MAP3K7CL: variants seen among roughly 807,000 people sequenced by gnomAD.
The protein encoded by MAP3K7CL is MAP3K7 C-terminal like.
MAP3K7CL carries 16 observed loss-of-function variants against 18.6 expected under a neutral mutation model. The ratio of observed to expected loss-of-function variants is 0.86; its 90% CI spans 0.58 to 1.31. The LOEUF is 1.31. MAP3K7CL is among the 50% of genes most tolerant of loss of function. The pLI is 0.00. For synonymous variants in MAP3K7CL, 65 were observed against 66.8 expected, an observed-to-expected ratio of 0.97 and a Z score of 0.13; for missense variants, 163 against 174.4, an observed-to-expected ratio of 0.93 and a Z score of 0.37.
chr21:29,102,262 T>C (rs1229909919), intron 4 of MAP3K7CL, among the ~76,000 whole-genome samples: 2 of 152,164 alleles, frequency 1.3e-5, no homozygotes, highest in African/African-American at 4.8e-5. Context: ...GCACAAAAGG[T>C]ACAACAATCC....
At chr21:29,154,457 C>G (rs1390335440) in intron 3 of MAP3K7CL, among the ~76,000 whole-genome samples, 1 of 151,222 alleles carries the variant, frequency 6.6e-6, no homozygotes, top group South Asian at 2.1e-4. Flanking sequence ...CCTATCTAAT[C>G]TGAGATGACA....
At chr21:29,142,078 T>A (rs2087021193) in intron 2 of MAP3K7CL, among the ~76,000 whole-genome samples, 1 of 152,134 alleles carries the variant, frequency 6.6e-6, no homozygotes, top group Non-Finnish European at 1.5e-5. Flanking sequence ...GTAAATTTTG[T>A]TTTTGAGACA....
intron 2 of MAP3K7CL, among the ~76,000 whole-genome samples, chr21:29,137,548 G>C (rs906087232): frequency 6.6e-6 from 1 of 152,080 alleles, no homozygotes; most frequent in African/African-American, 2.4e-5. Flanking sequence ...CAAAAAAGGG[G>C]CTACATATCT....
chr21:29,084,333 G>A (rs960400994), upstream of MAP3K7CL, among the ~76,000 whole-genome samples: 1 of 152,046 alleles, frequency 6.6e-6, no homozygotes, highest in African/African-American at 2.4e-5. Flanking sequence ...GAGGGTCATT[G>A]TAGAATATTT....
intron 4 of MAP3K7CL, among the ~76,000 whole-genome samples, chr21:29,163,745 G>A (rs772248083): frequency 6.7e-6 from 1 of 148,568 alleles, no homozygotes; most frequent in Non-Finnish European, 1.5e-5. Context: ...ACCCAGGCTG[G>A]AGTGCAGTGA....
intron 4 of MAP3K7CL, among the ~76,000 whole-genome samples, chr21:29,164,602 C>CGAA (rs1202290722): frequency 2.0e-5 from 3 of 152,166 alleles, no homozygotes; most frequent in Non-Finnish European, 4.4e-5. Flanking sequence ...GTTGCTGAAA[C>CGAA]TGTTATTTTA....
intron 2 of MAP3K7CL, among the ~76,000 whole-genome samples, chr21:29,148,501 T>C (rs1479552318): frequency 6.6e-6 from 1 of 152,206 alleles, no homozygotes; most frequent in Non-Finnish European, 1.5e-5. Context: ...CATCTTGCCA[T>C]CCAGCAACAG....
intron 4 of MAP3K7CL, among the ~76,000 whole-genome samples, chr21:29,173,764 C>T (rs531230559): frequency 6.6e-6 from 1 of 152,300 alleles, no homozygotes; most frequent in African/African-American, 2.4e-5. Context: ...TGCAGTGGCA[C>T]AATCATAGCT....
intron 3 of MAP3K7CL, among the ~76,000 whole-genome samples, chr21:29,158,622 T>C (rs1049844941): frequency 6.6e-6 from 1 of 152,108 alleles, no homozygotes; most frequent in Non-Finnish European, 1.5e-5. Flanking sequence ...ATGGGAGGGA[T>C]CACAGAAATA....
At chr21:29,117,309 T>C (rs2086519648) in intron 4 of MAP3K7CL, among the ~76,000 whole-genome samples, 1 of 152,244 alleles carries the variant, frequency 6.6e-6, no homozygotes, top group African/African-American at 2.4e-5. Flanking sequence ...CTATTCCTTC[T>C]CTGATGGACT....
At chr21:29,120,928 T>C (rs1200418793) in intron 4 of MAP3K7CL, among the ~76,000 whole-genome samples, 1 of 151,584 alleles carries the variant, frequency 6.6e-6, no homozygotes, top group Admixed American at 6.6e-5. Flanking sequence ...TAGCTAGGCA[T>C]GGTGACATAT....
chr21:29,115,365 C>T (rs2086487654), intron 4 of MAP3K7CL, among the ~76,000 whole-genome samples: 1 of 152,148 alleles, frequency 6.6e-6, no homozygotes, highest in African/African-American at 2.4e-5. Flanking sequence ...CACTGCAATT[C>T]TGCATCTATA....
At chr21:29,133,506 T>C (rs938211244) in intron 2 of MAP3K7CL, 92 bp downstream of exon 2, 1 of 850,948 alleles carries the variant, frequency 1.2e-6, no homozygotes, top group Non-Finnish European at 1.7e-6. Flanking sequence ...AAATTTAAAG[T>C]TGCATGCTTG....
intron 1 of MAP3K7CL, among the ~76,000 whole-genome samples, chr21:29,079,499 A>G (rs913021941): frequency 3.3e-5 from 5 of 152,210 alleles, no homozygotes; most frequent in East Asian, 1.9e-4. Flanking sequence ...TACGTGTTTC[A>G]TATTCAAACA....
intron 4 of MAP3K7CL, among the ~76,000 whole-genome samples, chr21:29,097,377 G>C (rs2086141582): frequency 6.6e-6 from 1 of 151,250 alleles, no homozygotes; most frequent in Admixed American, 6.6e-5. Context: ...AGAAGAGAGG[G>C]GAAGAAAAGA....
intron 4 of MAP3K7CL, among the ~76,000 whole-genome samples, chr21:29,093,577 G>GTTCACGCCA (rs922097206): frequency 3.9e-4 from 60 of 152,194 alleles, no homozygotes; most frequent in African/African-American, 1.4e-3. Context: ...CGCCTCCTGG[G>GTTCACGCCA]TTCACGCCAT....
intron 4 of MAP3K7CL, among the ~76,000 whole-genome samples, chr21:29,094,361 C>T (rs911050420): frequency 2.4e-4 from 37 of 152,190 alleles, no homozygotes; most frequent in African/African-American, 8.0e-4. Context: ...GGGGAAGTAT[C>T]GAAACACAGA....
At chr21:29,162,241 T>A (rs1445962300) in intron 4 of MAP3K7CL, among the ~76,000 whole-genome samples, 1 of 151,986 alleles carries the variant, frequency 6.6e-6, no homozygotes, top group Non-Finnish European at 1.5e-5. Context: ...AGTAATTATG[T>A]CTCTATTTAT....
chr21:29,151,247 G>A (rs1001500491), intron 3 of MAP3K7CL, among the ~76,000 whole-genome samples: 3 of 151,112 alleles, frequency 2.0e-5, no homozygotes, highest in African/African-American at 4.9e-5. Flanking sequence ...AGGCTGAGGC[G>A]GGTGGATAAG....
Sources: gnomAD v4.1 joint callset for allele counts (sites outside exome capture counted in the v4.1 genomes callset) on GRCh38, gnomAD v4.1.1 for gene constraint, MANE v1.5 for transcripts, NCBI Gene and HGNC (gene_info 2026-07-23, HGNC 2026-07-21) for gene names.